Variants in ZNF385B observed in about 807,000 individuals in gnomAD.
ZNF385B encodes the protein zinc finger protein 533.
A neutral mutation model predicts 39.2 loss-of-function variants in ZNF385B; 23 were observed. The ratio of observed to expected loss-of-function variants is 0.59; its 90% CI spans 0.42 to 0.83. The LOEUF (loss-of-function observed/expected upper bound fraction) is 0.83, where lower values mean the gene tolerates loss of function less well. ZNF385B is among the 40% of genes least tolerant of loss of function. The pLI, the probability that ZNF385B is intolerant of heterozygous loss-of-function variation, is 0.00. For synonymous variants in ZNF385B, 205 were observed against 222.6 expected (o/e 0.92, Z 0.70); for missense variants, 552 against 598.9 (o/e 0.92, Z 0.82).
At chr2:179,726,143 C>A (rs1247310092) in intron 3 of ZNF385B, among the ~76,000 whole-genome samples, 1 of 151,926 alleles carries the variant, frequency 6.6e-6, no homozygotes, top group Admixed American at 6.6e-5. Context: ...TCCTTTACAA[C>A]AAGTATGAAA....
At chr2:179,495,754 A>G (rs1251882658) in intron 5 of ZNF385B, among the ~76,000 whole-genome samples, 2 of 152,216 alleles carry the variant, frequency 1.3e-5, no homozygotes, top group African/African-American at 2.4e-5. Context: ...AAGACCATCA[A>G]GGTGGTACCT....
chr2:179,828,763 T>C lies in ZNF385B; in HGVS notation c.-155+32338A>G, dbSNP rs549029877. 8.5e-5 allele frequency among the ~76,000 whole-genome samples: 13 copies of C among 152,342 alleles called. No individual in the cohort carries two copies. The East Asian group carries it at 9.6e-4, about 11-fold the overall frequency. ...ACTGACAACTGTATTTCTGAAAATA[T>C]TTCACAAAACTGGCATGATTTGAAA... On this transcript the variant is annotated intron_variant, in intron 1 of 9. Transcript: ENST00000410066.
chr2:179,606,178 A>T lies in ZNF385B; in HGVS notation c.299-61209T>A, dbSNP rs552155807. On this transcript the variant is annotated intron_variant, in intron 3 of 9. Transcript: ENST00000410066. ...CTGATCAGAGTTGATAAAATGATCA[A>T]CTAGCAGAAAACATGGTTCTGCTAG... is the stretch of plus-strand genomic sequence containing the variant. Among the ~76,000 whole-genome samples, 334 of 152,280 alleles carry T rather than the reference A, an allele frequency of 2.2e-3. 2 individuals are homozygous for T. Among genetic ancestry groups the T allele is most frequent in the Non-Finnish European group, 3.9e-3 (267 of 68,012 alleles).
chr2:179,484,508 T>G (rs1026868497), intron 5 of ZNF385B, among the ~76,000 whole-genome samples: 2 of 152,102 alleles, frequency 1.3e-5, no homozygotes, highest in Non-Finnish European at 2.9e-5. Flanking sequence ...CAGTTTTCTT[T>G]ATATACTTGT....
chr2:179,598,567 A>T (rs1440031332), intron 3 of ZNF385B, among the ~76,000 whole-genome samples: 3 of 152,146 alleles, frequency 2.0e-5, no homozygotes, highest in African/African-American at 4.8e-5. Flanking sequence ...TATATATATA[A>T]AACCTGTAAT....
chr2:179,714,917 T>C (rs1700221234), intron 3 of ZNF385B, among the ~76,000 whole-genome samples: 1 of 111,846 alleles, frequency 8.9e-6, no homozygotes, highest in Non-Finnish European at 1.7e-5. Flanking sequence ...CACTCCAGCC[T>C]GGGTAACAAA....
intron 3 of ZNF385B, among the ~76,000 whole-genome samples, chr2:179,719,884 C>T (rs539922953): frequency 6.6e-6 from 1 of 152,154 alleles, no homozygotes; most frequent in African/African-American, 2.4e-5. Flanking sequence ...TTTTCCAAGT[C>T]CCCGCAAGGT....
chr2:179,728,410 C>T (rs970728002), intron 3 of ZNF385B, among the ~76,000 whole-genome samples: 3 of 152,060 alleles, frequency 2.0e-5, no homozygotes, highest in African/African-American at 7.2e-5. Context: ...CACATAACTA[C>T]GTGACTTACT....
At chr2:179,458,909 A>T (rs2050997841) in intron 6 of ZNF385B, among the ~76,000 whole-genome samples, 1 of 152,226 alleles carries the variant, frequency 6.6e-6, no homozygotes, top group African/African-American at 2.4e-5. Flanking sequence ...TCCCATCAAT[A>T]CATGAGGTAT....
chr2:179,653,674 T>C (rs1356580748), intron 3 of ZNF385B, among the ~76,000 whole-genome samples: 1 of 152,038 alleles, frequency 6.6e-6, no homozygotes. Context: ...AGAACCAATA[T>C]AGCAGGAACA....
chr2:179,635,305 G>A (rs1355811554), intron 3 of ZNF385B, among the ~76,000 whole-genome samples: 2 of 142,990 alleles, frequency 1.4e-5, no homozygotes, highest in Non-Finnish European at 3.0e-5. Flanking sequence ...AACACCGCAT[G>A]TTCTCACTCA....
In ZNF385B at chr2:179,554,657, A is replaced by G. The variant is rs755691772; in HGVS notation, c.299-9688T>C. Among the ~76,000 whole-genome samples, 8 of 149,376 alleles carry G rather than the reference A, an allele frequency of 5.4e-5. 1 individual carries two copies. Among genetic ancestry groups the G allele is most frequent in the Admixed American group, 3.3e-4 (5 of 15,000 alleles). ...AAGAATGTAGAACTCCTACAGATCA[A>G]TAAGAAAATGATAACACTAGATAAA... On this transcript the variant is annotated intron_variant, in intron 3 of 9. Coordinates refer to ENST00000410066, the MANE Select transcript of ZNF385B (RefSeq NM_152520.6).
chr2:179,561,124 A>G (rs967333792), intron 3 of ZNF385B, among the ~76,000 whole-genome samples: 2 of 152,224 alleles, frequency 1.3e-5, no homozygotes, highest in Admixed American at 6.5e-5. Flanking sequence ...ACATATATTA[A>G]GTAGCTTTTT....
chr2:179,753,257 T>C (rs1389705017), intron 3 of ZNF385B, among the ~76,000 whole-genome samples: 2 of 152,228 alleles, frequency 1.3e-5, no homozygotes, highest in African/African-American at 4.8e-5. Context: ...TGTGTTGTAT[T>C]ATTTCTGAGG....
intron 3 of ZNF385B, among the ~76,000 whole-genome samples, chr2:179,684,506 G>C (rs1697772694): frequency 6.6e-6 from 1 of 152,102 alleles, no homozygotes; most frequent in South Asian, 2.1e-4. Flanking sequence ...AAAGAGGAAG[G>C]CATTTCCTCT....
chr2:179,719,092 C>G (rs1700518266), intron 3 of ZNF385B, among the ~76,000 whole-genome samples: 1 of 152,024 alleles, frequency 6.6e-6, no homozygotes, highest in Non-Finnish European at 1.5e-5. Context: ...TACCATGCCA[C>G]CATTTTCAGT....
At chr2:179,836,279 G>A (rs974292882) in intron 1 of ZNF385B, among the ~76,000 whole-genome samples, 3 of 152,180 alleles carry the variant, frequency 2.0e-5, no homozygotes, top group African/African-American at 7.2e-5. Flanking sequence ...ATCCACTGCT[G>A]TAAGCCCAAT....
intron 3 of ZNF385B, among the ~76,000 whole-genome samples, chr2:179,749,095 C>T (rs1319668858): frequency 3.3e-5 from 5 of 151,978 alleles, no homozygotes; most frequent in East Asian, 1.9e-4. Context: ...CAAAATGGTG[C>T]CCTGAAGGTT....
rs1466123028 is a variant in ZNF385B at position 179,442,574 on chromosome 2, T to TA, written c.*675dup. 6.5e-6 allele frequency: 1 copy of TA among 152,716 alleles called. No homozygotes were observed. The highest frequency in any genetic ancestry group is 1.5e-5 in the Non-Finnish European group (1 of 68,084). 9.5% of individuals were successfully genotyped at this position (152,716 alleles called of 1,614,324 possible). A position where few individuals can be genotyped will look rare whatever the true frequency, so the allele number is the denominator to read the frequency against. On this transcript the variant is annotated 3_prime_UTR_variant, in exon 10 of 10. Transcript: ENST00000410066. ...TACATTATTTTATCTTTTATTCTCT[T>TA]ACAGAGAAAATTCAAAGCTACTTTG...
Sources: gnomAD v4.1 joint callset for allele counts (sites outside exome capture counted in the v4.1 genomes callset) on GRCh38, gnomAD v4.1.1 for gene constraint, MANE v1.5 for transcripts, NCBI Gene and HGNC (gene_info 2026-07-23, HGNC 2026-07-21) for gene names.